ETS1: variants seen among roughly 807,000 people sequenced by gnomAD.
The protein encoded by ETS1 is protein C-ets-1.
A neutral mutation model predicts 58.6 loss-of-function variants in ETS1; 15 were observed. The observed-to-expected ratio is 0.26, with a 90% CI of 0.17 to 0.39. The LOEUF is 0.39. Ranked by LOEUF, ETS1 falls within the 10% of genes least tolerant of loss-of-function variation. The pLI is 1.00. For missense variants in ETS1, 417 were observed against 610.5 expected, an observed-to-expected ratio of 0.68 and a Z score of 3.34; for synonymous variants, 214 against 218.2, an observed-to-expected ratio of 0.98 and a Z score of 0.17.
chr11:128,473,212 C>T (rs904486684), intron 8 of ETS1, among the ~76,000 whole-genome samples: 2 of 152,272 alleles, frequency 1.3e-5, no homozygotes, highest in East Asian at 1.9e-4. Context: ...TTATTAAATG[C>T]CTGCTACGCC....
Position 128,585,152 on chromosome 11 carries a change from GAA to G in ETS1, c.-15+2334_-15+2335del, listed in dbSNP as rs1314047418. On this transcript the variant is annotated intron_variant, in intron 1 of 9. Transcript: ENST00000392668. ...GAAAGAAAGAAAAGAAAGAAAGAAAGAAAGAAAGAAAGAAAGAGAAAGAAAGA... is the reference window on the plus strand; with the variant it reads ...GAAAGAAAGAAAAGAAAGAAAGAAAGAGAAAGAAAGAAAGAGAAAGAAAGA... 2.8e-3 allele frequency among the ~76,000 whole-genome samples: 66 copies of G among 23,470 alleles called. 6 individuals are homozygous for G. The highest frequency in any genetic ancestry group is 3.5e-3 in the Non-Finnish European group (47 of 13,474). The allele number at this position is 23,470 out of a possible 152,430, so 15.4% of individuals were successfully genotyped here.
At chr11:128,513,959 A>G (rs1322773016) in intron 3 of ETS1, among the ~76,000 whole-genome samples, 1 of 152,204 alleles carries the variant, frequency 6.6e-6, no homozygotes, top group Non-Finnish European at 1.5e-5. Flanking sequence ...AATGCATCAC[A>G]CAACTCTAAA....
rs747494573 is a variant in ETS1 at position 128,484,863 on chromosome 11, G to A, written c.822C>T (p.Val274=). 1.2e-5 allele frequency: 19 copies of A among 1,613,952 alleles called. No homozygotes were observed. Among genetic ancestry groups the A allele is most frequent in the South Asian group, 4.4e-5 (4 of 91,052 alleles). The change falls in exon 7 of 10, where the codon GTC becomes GTT. Residue 274 remains valine, a synonymous_variant. Coordinates refer to ENST00000392668, the MANE Select transcript of ETS1 (RefSeq NM_001143820.2). ...CCATGCACATGTTGTCTGGGGTGAC[G>A]ACTTCTTGTTTGATAGCAAAGTAGT... The part of the protein sequence containing the change: ...QNDYFAIKQE[V]VTPDNMCMGR...
intron 3 of ETS1, chr11:128,522,417 C>T: frequency 1.1e-6 from 1 of 921,928 alleles, no homozygotes; most frequent in Non-Finnish European, 1.3e-6. Flanking sequence ...CTGGGCCGGG[C>T]GATGTCCGCT....
intron 2 of ETS1, among the ~76,000 whole-genome samples, chr11:128,566,009 C>G (rs572947631): frequency 6.6e-6 from 1 of 152,126 alleles, no homozygotes; most frequent in Admixed American, 6.6e-5. Context: ...GGAACTGCAT[C>G]GCAAGGAGGC....
intron 1 of ETS1, among the ~76,000 whole-genome samples, chr11:128,586,753 A>T (rs1478358807): frequency 6.6e-6 from 1 of 152,232 alleles, no homozygotes; most frequent in Non-Finnish European, 1.5e-5. Flanking sequence ...AGAGACCTTT[A>T]ACGGTGGGTG....
In ETS1 at chr11:128,464,876, G is replaced by T. The variant is rs2135411681; in HGVS notation, c.1124-1249C>A. On this transcript the variant is annotated intron_variant, in intron 8 of 9. Coordinates refer to ENST00000392668, the MANE Select transcript of ETS1 (RefSeq NM_001143820.2). The surrounding 1 kb of genome is among the most constrained non-coding windows in gnomAD (Gnocchi z 4.1). ...CATTTTCACATGCATCGTTGTGCTT[G>T]CTCCTAAAATCCACACCCAACCCTC... Among the ~76,000 whole-genome samples, 1 of 152,234 alleles carries T rather than the reference G, an allele frequency of 6.6e-6. No individual in the cohort carries two copies. The highest frequency in any genetic ancestry group is 1.9e-4 in the East Asian group (1 of 5,180).
chr11:128,479,807 C>G (rs913829849), intron 8 of ETS1, among the ~76,000 whole-genome samples: 3 of 151,882 alleles, frequency 2.0e-5, no homozygotes, highest in African/African-American at 7.3e-5. Context: ...GATGCTGCTG[C>G]TGATTTTGTA....
chr11:128,522,258 C>T, intron 3 of ETS1: 1 of 1,165,672 alleles, frequency 8.6e-7, no homozygotes, highest in Non-Finnish European at 1.1e-6. Flanking sequence ...CCTGCCCGGC[C>T]CTCGCCCGCT....
intron 1 of ETS1, among the ~76,000 whole-genome samples, chr11:128,584,328 G>A (rs753097840): frequency 2.0e-5 from 3 of 152,198 alleles, no homozygotes; most frequent in Non-Finnish European, 4.4e-5. Flanking sequence ...ATGTCTTAGA[G>A]TTACTTAGAT....
chr11:128,584,978 G>GAAAGAAAGA (rs1555092879), intron 1 of ETS1, among the ~76,000 whole-genome samples: 1 of 8,020 alleles, frequency 1.2e-4, no homozygotes, highest in Non-Finnish European at 2.4e-4. Context: ...AAGAAAGAAA[G>GAAAGAAAGA]AAAGAAAGAA....
intron 5 of ETS1, among the ~76,000 whole-genome samples, chr11:128,487,198 G>A (rs1349897671): frequency 6.6e-6 from 1 of 152,174 alleles, no homozygotes; most frequent in African/African-American, 2.4e-5. Flanking sequence ...CAAACATCAT[G>A]CTCATCTCTT....
intron 1 of ETS1, among the ~76,000 whole-genome samples, chr11:128,578,160 C>T (rs1260837533): frequency 1.3e-5 from 2 of 152,156 alleles, no homozygotes; most frequent in East Asian, 3.9e-4. Flanking sequence ...ACTGGCAACC[C>T]GGCCAGGACC....
chr11:128,483,725 G>A (rs1052908653), intron 7 of ETS1, among the ~76,000 whole-genome samples: 9 of 152,148 alleles, frequency 5.9e-5, no homozygotes, highest in African/African-American at 2.2e-4. Flanking sequence ...AGACGACAAT[G>A]GGCATGACCC....
chr11:128,462,714 A>C, intron 9 of ETS1, 138 bp from the exon 10 acceptor site: 1 of 669,090 alleles, frequency 1.5e-6, no homozygotes, highest in Non-Finnish European at 2.5e-6. Context: ...AGATTCATGT[A>C]GATATAGAAA....
chr11:128,573,049 G>T lies in ETS1; in HGVS notation c.69+13C>A, dbSNP rs1864668895. On this transcript the variant is annotated intron_variant, in intron 2 of 9. Coordinates refer to ENST00000392668, the MANE Select transcript of ETS1 (RefSeq NM_001143820.2). ...TGTGTGGGCAAAGGGGCAGGGAAGG[G>T]GCCACCACTCACCACCACTGCAGGA... The T allele has an allele frequency of 1.3e-6, 2 of 1,597,908 alleles. No individual in the cohort carries two copies. The highest frequency in any genetic ancestry group is 1.7e-5 in the Admixed American group (1 of 58,070).
chr11:128,573,091 G>A lies in ETS1; in HGVS notation c.40C>T (p.Pro14Ser), dbSNP rs764453299. Residue 14 changes from proline (P) to serine (S), a missense_variant, in exon 2 of 10, where the codon CCT becomes TCT. By Grantham distance (74) the Pro-to-Ser change is moderately conservative. Transcript: ENST00000392668. ...FVDSAGSSPVPYSAPRPAVVR... is the reference protein window; with the variant it reads ...FVDSAGSSPVSYSAPRPAVVR... ...ACTGCAGGACGAGGCGCTGAGTAAG[G>A]GACGGGGCTGCTCCCAGCAGAATCC... 38 of 1,603,248 alleles carry A rather than the reference G, an allele frequency of 2.4e-5. No homozygotes were observed. The highest frequency in any genetic ancestry group is 3.1e-5 in the Non-Finnish European group (37 of 1,175,052).
intron 3 of ETS1, chr11:128,522,418 G>A: frequency 1.1e-6 from 1 of 917,272 alleles, no homozygotes; most frequent in Non-Finnish European, 1.3e-6. Context: ...TGGGCCGGGC[G>A]ATGTCCGCTT....
intron 2 of ETS1, among the ~76,000 whole-genome samples, chr11:128,566,268 C>T (rs1325689621): frequency 6.6e-6 from 1 of 152,136 alleles, no homozygotes; most frequent in Non-Finnish European, 1.5e-5. Context: ...GCCCCAGTAT[C>T]CACCTAACAC....
Sources: gnomAD v4.1 joint callset for allele counts (sites outside exome capture counted in the v4.1 genomes callset) on GRCh38, gnomAD v4.1.1 for gene constraint, Gnocchi (gnomAD v3.1) non-coding constraint, MANE v1.5 for transcripts, NCBI Gene and HGNC (gene_info 2026-07-23, HGNC 2026-07-21) for gene names.